ZFHX3: variants seen among roughly 807,000 people sequenced by gnomAD.
ZFHX3 encodes zinc finger homeobox protein 3.
Under a neutral mutation model 279.1 loss-of-function variants are expected in ZFHX3, and 42 were observed. That is an observed-to-expected ratio of 0.15 (90% CI 0.12 to 0.19). ZFHX3 has a LOEUF of 0.19. ZFHX3 is among the 10% of genes least tolerant of loss of function. The probability of loss-of-function intolerance (pLI) is 1.00; values close to 1 mark genes in which losing one functional copy is unlikely to be tolerated. For synonymous variants in ZFHX3, 2,293 were observed against 1,957.8 expected (o/e 1.17, Z -4.52); for missense variants, 4,981 against 4,754.0 (o/e 1.05, Z -1.40).
At chr16:73,757,139 C>T (rs1449210561) in intron 1 of ZFHX3, among the ~76,000 whole-genome samples, 3 of 152,024 alleles carry the variant, frequency 2.0e-5, no homozygotes, top group South Asian at 2.1e-4. Context: ...CTTCTGAAAG[C>T]CAGTAATGGG....
chr16:73,667,827 CCTTGCTTGA>C (rs1339303559), intron 2 of ZFHX3, among the ~76,000 whole-genome samples: 2 of 152,158 alleles, frequency 1.3e-5, no homozygotes, highest in Non-Finnish European at 2.9e-5. Context: ...TGGACGGTAG[CCTTGCTTGA>C]CTTGCACCAT....
At position 72,943,079 on chromosome 16, in the gene ZFHX3, C is replaced by T. The variant is rs116112490; in HGVS notation, c.3216+7390G>A. Among the ~76,000 whole-genome samples the T allele has an allele frequency of 3.5e-3, 526 of 152,218 alleles. 1 individual carries two copies. Among genetic ancestry groups the T allele is most frequent in the African/African-American group, 0.012 (498 of 41,528 alleles). ...ATCATTCACAAGAGGTTCTGCAAGA[C>T]GTAAGAGAATGGAGAATGAGAAACA... On this transcript the variant is annotated intron_variant, in intron 3 of 9. Coordinates refer to ENST00000268489, the MANE Select transcript of ZFHX3 (RefSeq NM_006885.4).
rs138190089 is a variant in ZFHX3 at position 72,886,576 on chromosome 16, G to A, written c.3448+3155C>T. Among the ~76,000 whole-genome samples, 1,265 of 152,220 alleles carry A rather than the reference G, an allele frequency of 8.3e-3. 14 individuals are homozygous for A. Among genetic ancestry groups the A allele is most frequent in the African/African-American group, 0.029 (1,194 of 41,500 alleles). On this transcript the variant is annotated intron_variant, in intron 4 of 9. Transcript: ENST00000268489. ...CTCATTAATACAAAAGGAATTCTGA[G>A]CAGAGTAAAAGAAAGAATTGAAGGG...
intron 7 of ZFHX3, among the ~76,000 whole-genome samples, chr16:73,117,436 A>C (rs968215188): frequency 6.6e-6 from 1 of 152,262 alleles, no homozygotes; most frequent in Non-Finnish European, 1.5e-5. Context: ...CAGGTGAAGC[A>C]TAGAGATTTG....
At chr16:73,521,783 T>A (rs1473273935) in intron 2 of ZFHX3, among the ~76,000 whole-genome samples, 1 of 152,172 alleles carries the variant, frequency 6.6e-6, no homozygotes, top group African/African-American at 2.4e-5. Context: ...AACTTGGAAC[T>A]CTGATCAAAA....
intron 2 of ZFHX3, among the ~76,000 whole-genome samples, chr16:73,535,724 T>TC (rs2143737625): frequency 7.0e-6 from 1 of 142,844 alleles, no homozygotes; most frequent in East Asian, 2.0e-4. Flanking sequence ...CCCCCTATCT[T>TC]TTTTTTTTTT....
intron 8 of ZFHX3, among the ~76,000 whole-genome samples, chr16:73,065,068 G>T (rs1965729624): frequency 6.6e-6 from 1 of 152,232 alleles, no homozygotes; most frequent in Non-Finnish European, 1.5e-5. Context: ...TAACTTGGGG[G>T]AATGGTAGAG....
At position 73,040,641 on chromosome 16, in the gene ZFHX3, G is replaced by A. The variant is rs76312623; in HGVS notation, c.-50+7111C>T. 4.9e-3 allele frequency among the ~76,000 whole-genome samples: 746 copies of A among 152,298 alleles called. 9 individuals carry two copies. Among genetic ancestry groups the A allele is most frequent in the African/African-American group, 0.016 (679 of 41,556 alleles). ...GTTGCAAAGATGTCAAAAGGAGTTG[G>A]CTCTATTTCCACCCCATGGGGAAGA... On this transcript the variant is annotated intron_variant, in intron 1 of 9. Transcript: ENST00000268489.
chr16:73,732,935 G>A (rs2053580871), intron 1 of ZFHX3, among the ~76,000 whole-genome samples: 1 of 152,136 alleles, frequency 6.6e-6, no homozygotes, highest in Non-Finnish European at 1.5e-5. Flanking sequence ...GTCCTGTCAT[G>A]GATCATATAG....
At chr16:73,282,943 T>C (rs2014494444) in intron 4 of ZFHX3, among the ~76,000 whole-genome samples, 1 of 152,252 alleles carries the variant, frequency 6.6e-6, no homozygotes, top group Admixed American at 6.5e-5. Context: ...CAGGCACTAT[T>C]CTTAATGTTA....
At chr16:73,401,081 C>G (rs2017241707) in intron 3 of ZFHX3, 1 of 151,924 alleles carries the variant, frequency 6.6e-6, no homozygotes, top group Admixed American at 6.6e-5. Flanking sequence ...GCATAAAATT[C>G]CGTCCCCAGC....
intron 1 of ZFHX3, among the ~76,000 whole-genome samples, chr16:73,001,745 G>A (rs546821040): frequency 1.4e-4 from 21 of 151,998 alleles, no homozygotes; most frequent in East Asian, 3.9e-4. Context: ...CCTTGAGCCC[G>A]GGAGGTCAAG....
At chr16:73,572,183 A>C (rs2051746580) in intron 2 of ZFHX3, among the ~76,000 whole-genome samples, 3 of 151,262 alleles carry the variant, frequency 2.0e-5, no homozygotes, top group African/African-American at 7.3e-5. Context: ...AAAAAAAAAA[A>C]AAACTTTTTC....
intron 1 of ZFHX3, among the ~76,000 whole-genome samples, chr16:73,866,965 G>C (rs1237596528): frequency 6.6e-6 from 1 of 152,052 alleles, no homozygotes; most frequent in African/African-American, 2.4e-5. Context: ...TCTTGCTTTG[G>C]GATTGCCCCT....
intron 4 of ZFHX3, among the ~76,000 whole-genome samples, chr16:72,851,735 G>A (rs1286995233): frequency 6.6e-6 from 1 of 151,992 alleles, no homozygotes; most frequent in Non-Finnish European, 1.5e-5. Context: ...ATTTTTAATA[G>A]AGACGGGGTT....
intron 2 of ZFHX3, among the ~76,000 whole-genome samples, chr16:73,596,029 T>C: frequency 9.2e-6 from 1 of 108,586 alleles, no homozygotes; most frequent in African/African-American, 3.3e-5. Context: ...TTTATTTTAT[T>C]TTATTTTTTG....
intron 4 of ZFHX3, among the ~76,000 whole-genome samples, chr16:73,284,203 G>C (rs1183116697): frequency 6.7e-6 from 1 of 149,902 alleles, no homozygotes; most frequent in African/African-American, 2.5e-5. Flanking sequence ...TGTGATCCCA[G>C]CTACACAGGA....
intron 2 of ZFHX3, among the ~76,000 whole-genome samples, chr16:73,614,983 C>A (rs1018191226): frequency 9.9e-5 from 15 of 152,088 alleles, no homozygotes; most frequent in Non-Finnish European, 2.2e-4. Flanking sequence ...TGATCTCGAA[C>A]TCCTGGGCTC....
intron 1 of ZFHX3, among the ~76,000 whole-genome samples, chr16:73,001,134 G>A (rs911470101): frequency 5.9e-5 from 9 of 152,214 alleles, no homozygotes; most frequent in South Asian, 4.1e-4. Context: ...CAAAGAAACC[G>A]TCATTTTAGT....
Sources: allele counts gnomAD v4.1 joint callset (sites outside exome capture counted in the v4.1 genomes callset), GRCh38; gene constraint gnomAD v4.1.1; transcripts MANE v1.5; gene names NCBI Gene and HGNC (gene_info 2026-07-23, HGNC 2026-07-21).